Variants in DIAPH2 observed in about 807,000 individuals in gnomAD.
DIAPH2 encodes diaphanous related formin 2.
DIAPH2 carries 35 observed loss-of-function variants against 92.7 expected under a neutral mutation model. That is an observed-to-expected ratio of 0.38 (90% confidence interval 0.29 to 0.50). The LOEUF (loss-of-function observed/expected upper bound fraction) is 0.50. Among genes scored for constraint, DIAPH2 ranks in the 20% least tolerant of loss-of-function variants. DIAPH2 has a pLI of 0.94. For missense variants in DIAPH2, 701 were observed against 819.5 expected, an observed-to-expected ratio of 0.86 and a Z score of 1.77; for synonymous variants, 301 against 280.4, an observed-to-expected ratio of 1.07 and a Z score of -0.73.
chrX:97,371,869 G>A (rs1180803816), intron 24 of DIAPH2, among the ~76,000 whole-genome samples: 1 of 111,791 alleles, frequency 8.9e-6, no homozygotes, highest in Non-Finnish European at 1.9e-5. Context: ...ATTGTTACCA[G>A]TCACTTTAGA....
intron 25 of DIAPH2, among the ~76,000 whole-genome samples, chrX:97,422,277 G>A (rs1274487467): frequency 2.7e-5 from 3 of 110,753 alleles, no homozygotes; most frequent in East Asian, 2.8e-4. Context: ...CTGTGAACCA[G>A]TATGATCTGT....
intron 4 of DIAPH2, among the ~76,000 whole-genome samples, chrX:96,831,054 C>T (rs913828709): frequency 8.9e-6 from 1 of 111,952 alleles, no homozygotes; most frequent in African/African-American, 3.2e-5. Context: ...TTAGTGTGCT[C>T]CAACCACAGT....
chrX:97,164,169 C>A (rs746179738), intron 22 of DIAPH2, among the ~76,000 whole-genome samples: 1 of 111,654 alleles, frequency 9.0e-6, no homozygotes, highest in South Asian at 3.8e-4. Context: ...CTAGTCTCAA[C>A]CTTTAAAATA....
intron 22 of DIAPH2, among the ~76,000 whole-genome samples, chrX:97,244,546 A>G (rs2068123644): frequency 1.8e-5 from 2 of 112,144 alleles, no homozygotes; most frequent in Non-Finnish European, 3.8e-5. Flanking sequence ...AGATTTATTT[A>G]GGTTTTACAT....
rs144683671 is a variant in DIAPH2 at position 97,269,845 on chromosome X, C to A, written c.2844+22006C>A. On this transcript the variant is annotated intron_variant, in intron 23 of 26. Coordinates refer to ENST00000324765, the MANE Select transcript of DIAPH2 (RefSeq NM_006729.5). ...TTGACTCACTGCAACCTCTGCCTCC[C>A]GAGTTCAAGCGATTCTCCTGCCTCA... 9.7e-3 allele frequency among the ~76,000 whole-genome samples: 1,053 copies of A among 108,914 alleles called. 13 individuals carry two copies. Among genetic ancestry groups the A allele is most frequent in the African/African-American group, 0.034 (1,013 of 29,642 alleles). 94.6% of individuals were successfully genotyped at this position (108,914 alleles called of 115,157 possible).
intron 26 of DIAPH2, among the ~76,000 whole-genome samples, chrX:97,549,822 C>T (rs1277292971): frequency 2.7e-5 from 3 of 111,569 alleles, no homozygotes; most frequent in Admixed American, 9.5e-5. Flanking sequence ...CAAGCAAATC[C>T]GCATTCTACA....
At chrX:96,795,705 T>G (rs2064533790) in intron 4 of DIAPH2, among the ~76,000 whole-genome samples, 1 of 112,023 alleles carries the variant, frequency 8.9e-6, no homozygotes, top group African/African-American at 3.2e-5. Context: ...TCTTTATCTT[T>G]GGTCATATTC....
chrX:97,089,178 A>G (rs1289752437), intron 19 of DIAPH2, among the ~76,000 whole-genome samples: 1 of 112,394 alleles, frequency 8.9e-6, no homozygotes, highest in Non-Finnish European at 1.9e-5. Context: ...TACAAAGACA[A>G]CAGATGCTAA....
intron 24 of DIAPH2, among the ~76,000 whole-genome samples, chrX:97,368,155 A>G (rs1171157336): frequency 8.9e-6 from 1 of 112,427 alleles, no homozygotes; most frequent in East Asian, 2.8e-4. Context: ...TCCTTAATGT[A>G]AACTTCTTTT....
intron 4 of DIAPH2, among the ~76,000 whole-genome samples, chrX:96,798,285 G>T (rs1472015339): frequency 9.0e-6 from 1 of 111,582 alleles, no homozygotes; most frequent in Non-Finnish European, 1.9e-5. Context: ...CTGAGGCTCT[G>T]ATAGTTTTTT....
At chrX:96,944,156 A>C (rs926434987) in intron 13 of DIAPH2, among the ~76,000 whole-genome samples, 3 of 111,772 alleles carry the variant, frequency 2.7e-5, no homozygotes, top group African/African-American at 9.7e-5. Flanking sequence ...GTAATTTAAC[A>C]ATTCTTTGAG....
rs753768107 is a variant in DIAPH2 at position 96,916,601 on chromosome X, G to T, written c.869+27G>T. 13 of 1,166,251 alleles carry T rather than the reference G, an allele frequency of 1.1e-5. No individual in the cohort carries two copies. In the East Asian group the frequency reaches 3.7e-4, roughly 33 times the overall value. ...TAAGTATTGCTATATTATTATATTT[G>T]CTGCATGGAAAATGACACTTAAGAA... On this transcript the variant is annotated intron_variant, in intron 8 of 26. Transcript: ENST00000324765.
intron 22 of DIAPH2, among the ~76,000 whole-genome samples, chrX:97,198,880 A>T (rs2067724967): frequency 9.0e-6 from 1 of 111,720 alleles, no homozygotes; most frequent in Non-Finnish European, 1.9e-5. Context: ...CTTTGACAGC[A>T]TTATACTTTG....
chrX:96,863,468 T>C (rs1010889111), intron 4 of DIAPH2, among the ~76,000 whole-genome samples: 2 of 110,776 alleles, frequency 1.8e-5, no homozygotes, highest in African/African-American at 6.6e-5. Flanking sequence ...ATCTTTAATT[T>C]AGAAAATCTG....
At chrX:96,714,555 C>T (rs1333054731) in intron 1 of DIAPH2, among the ~76,000 whole-genome samples, 1 of 111,550 alleles carries the variant, frequency 9.0e-6, no homozygotes, top group Non-Finnish European at 1.9e-5. Flanking sequence ...TGAGCCATCG[C>T]GCCTGGCCTG....
intron 1 of DIAPH2, among the ~76,000 whole-genome samples, chrX:96,732,147 CAGA>C (rs964285400): frequency 9.0e-6 from 1 of 111,243 alleles, no homozygotes; most frequent in African/African-American, 3.3e-5. Context: ...GAGCTTGTCC[CAGA>C]AGACCATCAT....
At chrX:97,132,746 A>C (rs950692999) in intron 21 of DIAPH2, among the ~76,000 whole-genome samples, 1 of 112,172 alleles carries the variant, frequency 8.9e-6, no homozygotes, top group African/African-American at 3.2e-5. Flanking sequence ...TAAAAGAAAT[A>C]AAGTTGAATT....
In DIAPH2 at chrX:96,962,382, C is replaced by CATATATATATACACATATATATATACAT. The variant is rs1362470136; in HGVS notation, c.1936-2702_1936-2701insTACACATATATATATACATATATATATA. Among the ~76,000 whole-genome samples, 472 of 57,160 alleles carry CATATATATATACACATATATATATACAT rather than the reference C, an allele frequency of 8.3e-3. 40 individuals are homozygous for CATATATATATACACATATATATATACAT. Among genetic ancestry groups the CATATATATATACACATATATATATACAT allele is most frequent in the Non-Finnish European group, 0.013 (425 of 33,619 alleles). The allele number at this position is 57,160 out of a possible 115,157, so 49.6% of individuals were successfully genotyped here. A position where few individuals can be genotyped will look rare whatever the true frequency, so the allele number is the denominator to read the frequency against. On this transcript the variant is annotated intron_variant, in intron 16 of 26. Transcript: ENST00000324765. ...ATATATATACACATATATATATACA[C>CATATATATATACACATATATATATACAT]ATATATATACACATATATATACACA...
intron 8 of DIAPH2, among the ~76,000 whole-genome samples, chrX:96,916,907 A>G (rs746072223): frequency 7.2e-5 from 8 of 111,613 alleles, no homozygotes; most frequent in Non-Finnish European, 1.3e-4. Flanking sequence ...ACATACATAC[A>G]CAAATACTGT....
Sources: allele counts gnomAD v4.1 joint callset (sites outside exome capture counted in the v4.1 genomes callset), GRCh38; gene constraint gnomAD v4.1.1; transcripts MANE v1.5; gene names NCBI Gene and HGNC (gene_info 2026-07-23, HGNC 2026-07-21).